The following PDE3B variants were observed in gnomAD, a reference collection of about 807,000 sequenced individuals.
PDE3B encodes the protein phosphodiesterase 3B, also known as cGMP-inhibited 3',5'-cyclic phosphodiesterase 3B.
Under a neutral mutation model 116.8 loss-of-function variants are expected in PDE3B, and 66 were observed. The observed-to-expected ratio is 0.56, with a 90% CI of 0.46 to 0.69. The LOEUF is 0.69. Ranked by LOEUF, PDE3B falls within the 30% of genes least tolerant of loss-of-function variation. The pLI is 0.00. For missense variants in PDE3B, 1,384 were observed against 1,368.1 expected (o/e 1.01, Z -0.18); for synonymous variants, 595 against 533.6 (o/e 1.12, Z -1.59).
At chr11:14,834,800 T>C (rs1860002330) in intron 10 of PDE3B, among the ~76,000 whole-genome samples, 182 bp from the exon 11 acceptor site, 1 of 152,214 alleles carries the variant, frequency 6.6e-6, no homozygotes, top group African/African-American at 2.4e-5. Context: ...TCATAGTATA[T>C]GGGAAAGTTT....
chr11:14,693,378 G>T (rs1239779802), intron 1 of PDE3B, among the ~76,000 whole-genome samples: 1 of 152,200 alleles, frequency 6.6e-6, no homozygotes. Context: ...ATTGGAAGAA[G>T]ATGCTAGGAC....
At chr11:14,795,727 T>A (rs1394579330) in intron 4 of PDE3B, among the ~76,000 whole-genome samples, 1 of 152,158 alleles carries the variant, frequency 6.6e-6, no homozygotes, top group African/African-American at 2.4e-5. Context: ...TACACAGATT[T>A]TTCTCTTTTT....
chr11:14,828,199 C>A (rs1859762045), intron 7 of PDE3B, among the ~76,000 whole-genome samples: 1 of 152,128 alleles, frequency 6.6e-6, no homozygotes, highest in Non-Finnish European at 1.5e-5. Flanking sequence ...AAATGTAAAA[C>A]CCAAAACTAT....
the PDE3B span, chr11:14,885,647 G>A: frequency 1.0e-6 from 1 of 987,816 alleles, no homozygotes; most frequent in Non-Finnish European, 1.5e-6. Flanking sequence ...TCAAATACTA[G>A]GTTCTGTAAA....
At chr11:14,761,408 A>G (rs1455485408) in intron 1 of PDE3B, among the ~76,000 whole-genome samples, 2 of 152,182 alleles carry the variant, frequency 1.3e-5, no homozygotes, top group Non-Finnish European at 2.9e-5. Flanking sequence ...TCTTTAGCTT[A>G]TACCTGCCAT....
intron 14 of PDE3B, among the ~76,000 whole-genome samples, chr11:14,863,397 AGG>A (rs1255099407): frequency 6.6e-6 from 1 of 152,154 alleles, no homozygotes; most frequent in African/African-American, 2.4e-5. Context: ...CTGGCATAAG[AGG>A]TTATCCCATT....
At chr11:14,878,288 T>C in the PDE3B span, 2 of 1,612,850 alleles carry the variant, frequency 1.2e-6, no homozygotes, top group Non-Finnish European at 1.7e-6. Flanking sequence ...TCCAAGACAA[T>C]GTCTTCTTCC....
chr11:14,883,115 A>G, the PDE3B span, among the ~76,000 whole-genome samples: 1 of 152,192 alleles, frequency 6.6e-6, no homozygotes, highest in African/African-American at 2.4e-5. Context: ...TGCCCAAGGT[A>G]ATTTATAGAT....
At chr11:14,706,153 C>T (rs1432947312) in intron 1 of PDE3B, among the ~76,000 whole-genome samples, 1 of 151,702 alleles carries the variant, frequency 6.6e-6, no homozygotes, top group Admixed American at 6.6e-5. Flanking sequence ...CTCCCTCCTT[C>T]ACTCCCTTCT....
intron 7 of PDE3B, among the ~76,000 whole-genome samples, chr11:14,822,735 T>A (rs1859560708): frequency 1.3e-5 from 2 of 152,286 alleles, no homozygotes; most frequent in Middle Eastern, 3.4e-3. Flanking sequence ...AGCTGCAACT[T>A]GGCAAAGTAG....
chr11:14,885,613 C>A, the PDE3B span, among the ~76,000 whole-genome samples: 2 of 152,062 alleles, frequency 1.3e-5, no homozygotes, highest in African/African-American at 4.8e-5. Flanking sequence ...CTAAAATATG[C>A]GTGTAGTACA....
chr11:14,671,665 A>G (rs547016578), intron 1 of PDE3B, among the ~76,000 whole-genome samples: 61 of 152,264 alleles, frequency 4.0e-4, no homozygotes, highest in South Asian at 1.0e-3. Context: ...CAAGTGAGAC[A>G]TAATAGTGAC....
intron 4 of PDE3B, among the ~76,000 whole-genome samples, chr11:14,794,828 G>A (rs922699781): frequency 5.9e-5 from 9 of 152,152 alleles, no homozygotes; most frequent in African/African-American, 1.9e-4. Flanking sequence ...AGAACTCAAG[G>A]AAGCATGTTT....
intron 1 of PDE3B, among the ~76,000 whole-genome samples, chr11:14,769,358 A>T (rs929058317): frequency 6.6e-6 from 1 of 151,332 alleles, no homozygotes; most frequent in Admixed American, 6.6e-5. Context: ...CAGAGAAAAA[A>T]GAAGCATTGT....
In PDE3B at chr11:14,811,141, T is replaced by C. The variant is rs577606296; in HGVS notation, c.1523-7042T>C. 4.8e-3 allele frequency among the ~76,000 whole-genome samples: 734 copies of C among 152,292 alleles called. 6 individuals carry two copies. Among genetic ancestry groups the C allele is most frequent in the Non-Finnish European group, 7.4e-3 (504 of 67,996 alleles). On this transcript the variant is annotated intron_variant, in intron 5 of 15. Transcript: ENST00000282096. ...GTTGCCTGTTCACTCTGATGGTAGT[T>C]TCTTTTGCTGTGCAGAAGCTCTTGA...
chr11:14,879,470 T>C, the PDE3B span: 1 of 1,549,178 alleles, frequency 6.5e-7, no homozygotes, highest in Non-Finnish European at 8.8e-7. Context: ...ATTCAAGTTA[T>C]TATGCAGTTC....
At chr11:14,656,191 A>G (rs1853712457) in intron 1 of PDE3B, among the ~76,000 whole-genome samples, 1 of 152,192 alleles carries the variant, frequency 6.6e-6, no homozygotes, top group African/African-American at 2.4e-5. Flanking sequence ...TAGCTAATGT[A>G]GGGAACATTG....
At chr11:14,845,514 G>T (rs946083394) in intron 12 of PDE3B, among the ~76,000 whole-genome samples, 2 of 152,208 alleles carry the variant, frequency 1.3e-5, no homozygotes, top group Non-Finnish European at 2.9e-5. Flanking sequence ...GTTGAGAGAA[G>T]AAGGCTTCAG....
intron 7 of PDE3B, 66 bp downstream of exon 7, chr11:14,819,275 G>A: frequency 1.1e-6 from 1 of 945,798 alleles, no homozygotes; most frequent in African/African-American, 1.6e-5. Context: ...TTTTAGAATG[G>A]GAAAATGAAT....
Sources: gnomAD v4.1 joint callset for allele counts (sites outside exome capture counted in the v4.1 genomes callset) on GRCh38, gnomAD v4.1.1 for gene constraint, MANE v1.5 for transcripts, NCBI Gene and HGNC (gene_info 2026-07-23, HGNC 2026-07-21) for gene names.